LINGO2: variants seen among roughly 807,000 people sequenced by gnomAD.
LINGO2 encodes the protein leucine-rich repeat and immunoglobulin-like domain-containing nogo receptor-interacting protein 2.
In LINGO2, 14 loss-of-function variants were observed where a neutral mutation model predicts 30.6. The ratio of observed to expected loss-of-function variants is 0.46; its 90% confidence interval spans 0.30 to 0.72. The LOEUF (loss-of-function observed/expected upper bound fraction) is 0.72, where lower values mean the gene tolerates loss of function less well. LINGO2 is among the 30% of genes least tolerant of loss of function. The pLI, the probability that LINGO2 is intolerant of heterozygous loss-of-function variation, is 0.07. For missense variants in LINGO2, 729 were observed against 751.7 expected (o/e 0.97, Z 0.35); for synonymous variants, 317 against 288.5 (o/e 1.10, Z -1.00).
At chr9:28,724,992 T>C in the LINGO2 span, among the ~76,000 whole-genome samples, 10 of 152,044 alleles carry the variant, frequency 6.6e-5, no homozygotes, top group Admixed American at 6.6e-4. Flanking sequence ...CCTATCATCA[T>C]TTGAAGATAA....
At chr9:28,455,511 G>T (rs1046384778) in intron 2 of LINGO2, among the ~76,000 whole-genome samples, 20 of 151,954 alleles carry the variant, frequency 1.3e-4, no homozygotes, top group African/African-American at 4.8e-4. Flanking sequence ...AATAAACATA[G>T]AACGTACAAT....
At chr9:28,093,006 G>T (rs1826141129) in intron 4 of LINGO2, among the ~76,000 whole-genome samples, 1 of 151,984 alleles carries the variant, frequency 6.6e-6, no homozygotes, top group Non-Finnish European at 1.5e-5. Context: ...GCCAAGATAG[G>T]CTAAGTTACT....
intron 4 of LINGO2, among the ~76,000 whole-genome samples, chr9:28,023,283 A>C (rs1049915760): frequency 6.6e-6 from 1 of 152,176 alleles, no homozygotes; most frequent in Non-Finnish European, 1.5e-5. Context: ...ATGTACCTTA[A>C]CCCATAAAAG....
chr9:28,065,559 A>T (rs1008422577), intron 4 of LINGO2, among the ~76,000 whole-genome samples: 1 of 152,128 alleles, frequency 6.6e-6, no homozygotes, highest in Non-Finnish European at 1.5e-5. Context: ...ATACAAAAAT[A>T]TTTTTATTAC....
the LINGO2 span, among the ~76,000 whole-genome samples, chr9:28,716,821 T>C: frequency 6.6e-6 from 1 of 152,194 alleles, no homozygotes; most frequent in South Asian, 2.1e-4. Context: ...GGTACAGATA[T>C]ATGCTATTAA....
At position 28,536,019 on chromosome 9, in the gene LINGO2, T is replaced by A. The variant is rs143881886; in HGVS notation, c.-364-59994A>T. 5.1e-3 allele frequency among the ~76,000 whole-genome samples: 781 copies of A among 152,262 alleles called. 3 individuals carry two copies. Among genetic ancestry groups the A allele is most frequent in the African/African-American group, 0.018 (756 of 41,560 alleles). On this transcript the variant is annotated intron_variant, in intron 1 of 5. Coordinates refer to ENST00000379992, the Ensembl canonical transcript of LINGO2. ...CACTTGATGAAGTTTTATTTTATTA[T>A]TTTTGTTTTTAATAATTAGATGATT...
At chr9:27,962,577 A>G (rs546677630) in intron 5 of LINGO2, among the ~76,000 whole-genome samples, 2 of 152,170 alleles carry the variant, frequency 1.3e-5, no homozygotes, top group Non-Finnish European at 2.9e-5. Flanking sequence ...TCAGCTAGGC[A>G]AAAGTGGATA....
intron 4 of LINGO2, among the ~76,000 whole-genome samples, chr9:28,120,753 C>T (rs1827072429): frequency 6.6e-6 from 1 of 152,088 alleles, no homozygotes; most frequent in Admixed American, 6.5e-5. Context: ...CATAATTATC[C>T]TTCTGACAGT....
At chr9:27,960,116 T>G (rs1268709658) in intron 5 of LINGO2, among the ~76,000 whole-genome samples, 1 of 152,116 alleles carries the variant, frequency 6.6e-6, no homozygotes. Context: ...AATAAGATAT[T>G]CAAATATATG....
intron 4 of LINGO2, among the ~76,000 whole-genome samples, chr9:28,064,819 A>G (rs1023251695): frequency 6.6e-6 from 1 of 152,074 alleles, no homozygotes; most frequent in African/African-American, 2.4e-5. Context: ...GCCAACTGGC[A>G]TGTTGGGGAA....
chr9:28,043,601 G>GTTT (rs1413451197), intron 4 of LINGO2, among the ~76,000 whole-genome samples: 2 of 152,110 alleles, frequency 1.3e-5, no homozygotes, highest in African/African-American at 2.4e-5. Flanking sequence ...TTTTCTTTAT[G>GTTT]GAAAGTTTCA....
chr9:28,706,173 A>C, the LINGO2 span, among the ~76,000 whole-genome samples: 3 of 152,144 alleles, frequency 2.0e-5, no homozygotes, highest in Non-Finnish European at 4.4e-5. Flanking sequence ...TCTATATGAC[A>C]ATCTACTGCC....
intron 4 of LINGO2, among the ~76,000 whole-genome samples, chr9:28,082,795 G>T (rs185083638): frequency 1.3e-5 from 2 of 152,052 alleles, no homozygotes; most frequent in Admixed American, 6.6e-5. Context: ...GACTCATATG[G>T]TTTCCCCTCT....
chr9:28,649,646 G>T (rs528567600), intron 1 of LINGO2, among the ~76,000 whole-genome samples: 1 of 152,182 alleles, frequency 6.6e-6, no homozygotes, highest in Admixed American at 6.6e-5. Flanking sequence ...CTGGAGAATA[G>T]AAAGTAGTTA....
intron 4 of LINGO2, among the ~76,000 whole-genome samples, chr9:28,221,823 A>C (rs1820976175): frequency 6.6e-6 from 1 of 152,176 alleles, no homozygotes; most frequent in Non-Finnish European, 1.5e-5. Context: ...GTTATCCATG[A>C]CTTTAAGATA....
the LINGO2 span, among the ~76,000 whole-genome samples, chr9:29,128,220 G>T: frequency 2.0e-5 from 3 of 152,128 alleles, no homozygotes; most frequent in South Asian, 6.2e-4. Flanking sequence ...CACCAAACGG[G>T]GACACCCTAG....
At chr9:29,039,329 C>G in the LINGO2 span, among the ~76,000 whole-genome samples, 1 of 152,038 alleles carries the variant, frequency 6.6e-6, no homozygotes, top group Non-Finnish European at 1.5e-5. Flanking sequence ...ATGCATAAGT[C>G]TACTGAGGAG....
intron 4 of LINGO2, among the ~76,000 whole-genome samples, chr9:28,054,113 T>A (rs552363721): frequency 6.6e-6 from 1 of 151,976 alleles, no homozygotes; most frequent in African/African-American, 2.4e-5. Flanking sequence ...GGGAGAAGCC[T>A]GTTATAAAAG....
At chr9:28,770,017 A>C in the LINGO2 span, among the ~76,000 whole-genome samples, 147 of 152,068 alleles carry the variant, frequency 9.7e-4, no homozygotes, top group African/African-American at 3.4e-3. Flanking sequence ...ACTTTCTGAA[A>C]TTTCCTGGCT....
Sources: gnomAD v4.1 joint callset for allele counts (sites outside exome capture counted in the v4.1 genomes callset) on GRCh38, gnomAD v4.1.1 for gene constraint, MANE v1.5 for transcripts, NCBI Gene and HGNC (gene_info 2026-07-23, HGNC 2026-07-21) for gene names.